Variants in PKM observed in about 807,000 individuals in gnomAD.
The protein encoded by PKM is pyruvate kinase M1/2.
In PKM, 18 loss-of-function variants were observed where a neutral mutation model predicts 49.8. The observed-to-expected ratio is 0.36, with a 90% CI of 0.25 to 0.54. The LOEUF (loss-of-function observed/expected upper bound fraction) is 0.54. Ranked by LOEUF, PKM falls within the 20% of genes least tolerant of loss-of-function variation. The pLI is 0.89. For synonymous variants in PKM, 239 were observed against 261.8 expected (o/e 0.91, Z 0.84); for missense variants, 508 against 713.8 (o/e 0.71, Z 3.28).
In PKM at chr15:72,218,192, T is replaced by C. The variant is rs2082422311; in HGVS notation, c.155-692A>G. Among the ~76,000 whole-genome samples, 3 of 152,100 alleles carry C rather than the reference T, an allele frequency of 2.0e-5. No homozygotes were observed. In the South Asian group the frequency reaches 6.2e-4, roughly 32 times the overall value. Reference sequence around the variant, plus strand: ...AAGGCTGGAGTGCAATGGTCAGATCTCAGCTCACTGCAACCTCCGCCTCCC... The same window carrying C: ...AAGGCTGGAGTGCAATGGTCAGATCCCAGCTCACTGCAACCTCCGCCTCCC... On this transcript the variant is annotated intron_variant, in intron 2 of 10. Coordinates refer to ENST00000335181, the MANE Select transcript of PKM (RefSeq NM_002654.6).
intron 3 of PKM, 22 bp downstream of exon 3, chr15:72,217,387 A>G (rs939005271): frequency 1.3e-6 from 2 of 1,488,630 alleles, no homozygotes; most frequent in Non-Finnish European, 1.9e-6. Context: ...CACAATGGCC[A>G]TAGGGTCCAG....
At chr15:72,217,358 CCT>C (rs1211859001) in intron 3 of PKM, 49 bp downstream of exon 3, 1 of 1,079,288 alleles carries the variant, frequency 9.3e-7, no homozygotes, top group Admixed American at 1.7e-5. Context: ...GCACCCCCTC[CCT>C]GTTTCCTACA....
chr15:72,229,363 C>G (rs1235198217), intron 1 of PKM, among the ~76,000 whole-genome samples: 4 of 152,136 alleles, frequency 2.6e-5, no homozygotes, highest in Non-Finnish European at 5.9e-5. Context: ...GGTGTAGAGG[C>G]TGAACTCCTT....
At chr15:72,216,089 G>A (rs890164615) in intron 3 of PKM, among the ~76,000 whole-genome samples, 3 of 152,152 alleles carry the variant, frequency 2.0e-5, no homozygotes, top group African/African-American at 7.2e-5. Context: ...CCCAAAAGGA[G>A]GAATTCACTC....
Position 72,207,293 on chromosome 15 carries a change from G to T in PKM, c.837-16C>A. 1.9e-6 allele frequency: 3 copies of T among 1,613,152 alleles called. No individual in the cohort carries two copies. Among genetic ancestry groups the T allele is most frequent in the East Asian group, 2.2e-5 (1 of 44,868 alleles). On this transcript the variant is annotated splice_polypyrimidine_tract_variant and intron_variant, in intron 6 of 10. Coordinates refer to ENST00000335181, the MANE Select transcript of PKM (RefSeq NM_002654.6). ...TTCATCAAACCTGATGGACAAAGTT[G>T]GGGGGAGAGAGGTTATATAGAACAG...
rs1441485346 is a variant in PKM at position 72,202,989 on chromosome 15, T to C, written c.1141-369A>G. 3 of 1,606,424 alleles carry C rather than the reference T, an allele frequency of 1.9e-6. No individual in the cohort carries two copies. Among genetic ancestry groups the C allele is most frequent in the East Asian group, 2.2e-5 (1 of 44,832 alleles). The stretch of plus-strand genomic sequence containing the variant: ...AGCAGGTGGAGCAAGAGGCTGGTTA[T>C]CCTAACAGTGTTACCTGCCCTTAGG... On this transcript the variant is annotated intron_variant, in intron 8 of 10. Transcript: ENST00000335181. This position sits in a 1 kb window ranked among gnomAD's most constrained non-coding sequence, Gnocchi z 4.5.
In PKM at chr15:72,200,752, A is replaced by C; in HGVS notation, c.1308-97T>G. 1.9e-4 allele frequency: 204 copies of C among 1,084,340 alleles called. No homozygotes were observed. Among genetic ancestry groups the C allele is most frequent in the Non-Finnish European group, 2.5e-4 (185 of 738,118 alleles). 67.2% of individuals were successfully genotyped at this position (1,084,340 alleles called of 1,614,324 possible). A position where few individuals can be genotyped will look rare whatever the true frequency, so the allele number is the denominator to read the frequency against. On this transcript the variant is annotated intron_variant, in intron 9 of 10. Coordinates refer to ENST00000335181, the MANE Select transcript of PKM (RefSeq NM_002654.6). This position sits in a 1 kb window ranked among gnomAD's most constrained non-coding sequence, Gnocchi z 4.6. Reference sequence around the variant, plus strand: ...AACAGCTCACCCTCTCATCCAGCTCACTGAGGGCTCTGGCCTCTTCAACAT... The same window carrying C: ...AACAGCTCACCCTCTCATCCAGCTCCCTGAGGGCTCTGGCCTCTTCAACAT...
At chr15:72,219,693 C>G (rs1374119862) in intron 1 of PKM, among the ~76,000 whole-genome samples, 1 of 152,232 alleles carries the variant, frequency 6.6e-6, no homozygotes, top group Non-Finnish European at 1.5e-5. Flanking sequence ...AAACCTAAAA[C>G]CACATCTACT....
chr15:72,207,386 GGACA>G, intron 6 of PKM, 109 bp from the exon 7 acceptor site: 1 of 966,134 alleles, frequency 1.0e-6, no homozygotes, highest in South Asian at 1.3e-5. Context: ...CCTTGTACCA[GGACA>G]GACATCCATG....
At position 72,219,041 on chromosome 15, in the gene PKM, G is replaced by C. The variant is rs774838196; in HGVS notation, c.57C>G (p.His19Gln). The C allele has an allele frequency of 1.2e-6, 2 of 1,614,024 alleles. No homozygotes were observed. The highest frequency in any genetic ancestry group is 1.7e-6 in the Non-Finnish European group (2 of 1,179,998). Reference protein sequence around the residue: ...GTAFIQTQQLHAAMADTFLEH... With the variant: ...GTAFIQTQQLQAAMADTFLEH... ...CCAGGAATGTGTCAGCCATGGCTGC[G>C]TGCAGCTGCTGGGTCTGAATGAAGG... The change falls in exon 2 of 11, where the codon CAC (histidine) becomes CAG (glutamine). Residue 19 changes from histidine to glutamine, a missense_variant. His to Gln is a conservative substitution (Grantham distance 24). Transcript: ENST00000335181.
In PKM at chr15:72,202,934, G is replaced by T; in HGVS notation, c.1141-314C>A. The T allele has an allele frequency of 7.5e-7, 1 of 1,339,370 alleles. No homozygotes were observed. The allele number at this position is 1,339,370 out of a possible 1,614,324, so 83.0% of individuals were successfully genotyped here. On this transcript the variant is annotated intron_variant, in intron 8 of 10. Transcript: ENST00000335181. The surrounding 1 kb of genome is among the most constrained non-coding windows in gnomAD (Gnocchi z 4.5). ...ACGAGAAGAGGCTCTGTGCCCAGAT[G>T]CCAGGTTGGGCCTGGCTGTCTTCTC...
rs1237970148 is a variant in PKM at position 72,202,512 on chromosome 15, C to T, written c.1249G>A (p.Val417Met). The part of the protein sequence containing the change: ...DPTEATAVGA[V>M]EASFKCCSGA... ...CTGCAGCACTTGAAGGAGGCCTCCA[C>T]GGCACCCACGGCGGTGGCTTCTGTG... The change falls in exon 9 of 11, where the codon GTG (valine) becomes ATG (methionine). Residue 417 changes from valine (V) to methionine (M), a missense_variant. Transcript: ENST00000335181. This position sits in a 1 kb window ranked among gnomAD's most constrained non-coding sequence, Gnocchi z 4.5. 1.9e-6 allele frequency: 3 copies of T among 1,613,632 alleles called. No individual in the cohort carries two copies. Among genetic ancestry groups the T allele is most frequent in the South Asian group, 1.1e-5 (1 of 90,988 alleles).
intron 1 of PKM, among the ~76,000 whole-genome samples, chr15:72,225,474 T>C (rs1402449965): frequency 6.6e-6 from 1 of 152,116 alleles, no homozygotes. Flanking sequence ...GAGCCACTGC[T>C]CCCAGCCACA....
chr15:72,199,071 AG>A lies in PKM; in HGVS notation c.*578del, dbSNP rs1220446536. On this transcript the variant is annotated 3_prime_UTR_variant, in exon 11 of 11. Transcript: ENST00000335181. The stretch of plus-strand genomic sequence containing the variant: ...TTATTGACATACAGGTAGGCTCTAT[AG>A]CAACAGGCCTGGAGGTGCTGCAGTA... 4 of 253,962 alleles carry A rather than the reference AG, an allele frequency of 1.6e-5. No homozygotes were observed. In the Admixed American group the frequency reaches 2.1e-4, roughly 13 times the overall value. The allele number at this position is 253,962 out of a possible 1,614,324, so 15.7% of individuals were successfully genotyped here. A position where few individuals can be genotyped will look rare whatever the true frequency, so the allele number is the denominator to read the frequency against.
At chr15:72,219,377 A>G (rs1040136149) in intron 1 of PKM, 1 of 382,534 alleles carries the variant, frequency 2.6e-6, no homozygotes, top group East Asian at 4.3e-5. Flanking sequence ...CACAGTAAGC[A>G]GGTCTCTCTT....
chr15:72,219,477 A>C, intron 1 of PKM: 1 of 175,132 alleles, frequency 5.7e-6, no homozygotes, highest in Non-Finnish European at 1.2e-5. Flanking sequence ...GGAGCTTCCA[A>C]TGAAGGAAGT....
At chr15:72,217,299 T>C in intron 3 of PKM, 110 bp downstream of exon 3, 1 of 749,250 alleles carries the variant, frequency 1.3e-6, no homozygotes, top group Non-Finnish European at 2.4e-6. Flanking sequence ...ACACTGACTG[T>C]GAAACTCAGA....
Position 72,208,799 on chromosome 15 carries a change from C to A in PKM, c.658G>T (p.Ala220Ser), listed in dbSNP as rs922961306. ...NLPGAAVDLP[A>S]VSEKDIQDLK... ...TCCTGGATGTCCTTCTCCGACACAG[C>A]AGGCAAGTCCACAGCAGCCCCAGGA... The change falls in exon 6 of 11, where the codon GCT becomes TCT. Residue 220 changes from alanine to serine, a missense_variant. Ala to Ser is a moderately conservative substitution (Grantham distance 99, BLOSUM62 1). Coordinates refer to ENST00000335181, the MANE Select transcript of PKM (RefSeq NM_002654.6). 3 of 1,614,080 alleles carry A rather than the reference C, an allele frequency of 1.9e-6. No homozygotes were observed. The highest frequency in any genetic ancestry group is 2.5e-6 in the Non-Finnish European group (3 of 1,180,046).
At chr15:72,229,727 G>A (rs1352307138) in intron 1 of PKM, 2 of 1,182,460 alleles carry the variant, frequency 1.7e-6, no homozygotes, top group East Asian at 1.2e-4. Flanking sequence ...GAGCTCGGTG[G>A]GCTATGACTC....
Sources: gnomAD v4.1 joint callset for allele counts (sites outside exome capture counted in the v4.1 genomes callset) on GRCh38, gnomAD v4.1.1 for gene constraint, Gnocchi (gnomAD v3.1) non-coding constraint, MANE v1.5 for transcripts, NCBI Gene and HGNC (gene_info 2026-07-23, HGNC 2026-07-21) for gene names.